STK31: variants seen among roughly 807,000 people sequenced by gnomAD.
The protein encoded by STK31 is serine/threonine kinase 31.
STK31 carries 89 observed loss-of-function variants against 129.7 expected under a neutral mutation model. The ratio of observed to expected loss-of-function variants is 0.69; its 90% CI spans 0.58 to 0.82. The LOEUF (loss-of-function observed/expected upper bound fraction) is 0.82. Among genes scored for constraint, STK31 ranks in the 40% least tolerant of loss-of-function variants. STK31 has a pLI of 0.00. For missense variants in STK31, 1,187 were observed against 1,176.4 expected, an observed-to-expected ratio of 1.01 and a Z score of -0.13; for synonymous variants, 448 against 395.3, an observed-to-expected ratio of 1.13 and a Z score of -1.58.
At chr7:23,824,210 T>A (rs961671676) in intron 23 of STK31, among the ~76,000 whole-genome samples, 1 of 152,228 alleles carries the variant, frequency 6.6e-6, no homozygotes, top group Non-Finnish European at 1.5e-5. Context: ...TTTCTCGATA[T>A]TGATTCTTCC....
rs118034189 is a variant in STK31 at position 23,815,580 on chromosome 7, A to G, written c.2829+368A>G. On this transcript the variant is annotated intron_variant, in intron 23 of 23. Coordinates refer to ENST00000355870, the MANE Select transcript of STK31 (RefSeq NM_031414.5). ...TTCAGCCAACATATTTTGAGTAGCT[A>G]TTTCTGTGATAGGAATTGAACCAGG... Among the ~76,000 whole-genome samples, 578 of 152,260 alleles carry G rather than the reference A, an allele frequency of 3.8e-3. 4 individuals carry two copies. The highest frequency in any genetic ancestry group is 0.02 in the Middle Eastern group (6 of 294).
intron 23 of STK31, among the ~76,000 whole-genome samples, chr7:23,817,227 G>A (rs1175501292): frequency 6.6e-6 from 1 of 152,040 alleles, no homozygotes; most frequent in Non-Finnish European, 1.5e-5. Context: ...CCTGTAATCT[G>A]CAAGTAATCA....
chr7:23,728,996 T>TA, intron 5 of STK31, 95 bp from the exon 6 acceptor site: 1 of 1,078,570 alleles, frequency 9.3e-7, no homozygotes, highest in Non-Finnish European at 1.3e-6. Flanking sequence ...GCTATTTTGA[T>TA]ATACAGGTCA....
chr7:23,795,566 G>A lies in STK31; in HGVS notation c.2760+4620G>A, dbSNP rs186902625. Among the ~76,000 whole-genome samples, 99 of 152,312 alleles carry A rather than the reference G, an allele frequency of 6.5e-4. No homozygotes were observed. In the East Asian group the frequency reaches 0.016, roughly 25 times the overall value. On this transcript the variant is annotated intron_variant, in intron 22 of 23. Transcript: ENST00000355870. ...GTGAGAAGAGGGCCACAGTCCTCCA[G>A]ACCCCAGAATGGTAGATCCACTGAC... is the stretch of plus-strand genomic sequence containing the variant.
intron 16 of STK31, among the ~76,000 whole-genome samples, chr7:23,782,259 G>A (rs1790975006): frequency 6.6e-6 from 1 of 151,916 alleles, no homozygotes; most frequent in South Asian, 2.1e-4. Context: ...GATCACTTGA[G>A]CCCGGGAGTT....
intron 22 of STK31, among the ~76,000 whole-genome samples, chr7:23,797,664 G>T (rs557067917): frequency 6.6e-6 from 1 of 152,318 alleles, no homozygotes; most frequent in South Asian, 2.1e-4. Flanking sequence ...AAGCGGGAAA[G>T]ATCTAAAATC....
intron 4 of STK31, among the ~76,000 whole-genome samples, chr7:23,725,418 C>G (rs1787002478): frequency 6.8e-6 from 1 of 146,984 alleles, no homozygotes; most frequent in Non-Finnish European, 1.5e-5. Context: ...GTATGTGTGC[C>G]TGTAACCCCA....
In STK31 at chr7:23,755,441, G is replaced by A. The variant is rs545396989; in HGVS notation, c.1293+967G>A. On this transcript the variant is annotated intron_variant, in intron 10 of 23. Coordinates refer to ENST00000355870, the MANE Select transcript of STK31 (RefSeq NM_031414.5). Reference sequence around the variant, plus strand: ...TGCAAAAATTTTCTTCTGTTCAGGAGAACAGGTTGCCTGTTCACTGTGATG... The same window carrying A: ...TGCAAAAATTTTCTTCTGTTCAGGAAAACAGGTTGCCTGTTCACTGTGATG... Among the ~76,000 whole-genome samples, 4 of 152,048 alleles carry A rather than the reference G, an allele frequency of 2.6e-5. No homozygotes were observed. The East Asian group carries it at 7.7e-4, about 29-fold the overall frequency.
At chr7:23,783,163 G>T (rs1791038904) in intron 16 of STK31, among the ~76,000 whole-genome samples, 1 of 152,200 alleles carries the variant, frequency 6.6e-6, no homozygotes, top group Admixed American at 6.5e-5. Context: ...TACAGAAACA[G>T]CTATATTGGT....
chr7:23,791,316 G>A (rs1435398829), intron 22 of STK31: 1 of 985,088 alleles, frequency 1.0e-6, no homozygotes, highest in Non-Finnish European at 1.2e-6. Flanking sequence ...CATAGTTTAA[G>A]AATTAAGAAG....
chr7:23,803,013 C>T (rs145931454), intron 22 of STK31, among the ~76,000 whole-genome samples: 2 of 152,216 alleles, frequency 1.3e-5, no homozygotes, highest in African/African-American at 4.8e-5. Flanking sequence ...TTTGGGCTTA[C>T]AGATTCTATA....
intron 15 of STK31, among the ~76,000 whole-genome samples, chr7:23,780,230 C>T (rs533900105): frequency 1.8e-4 from 27 of 152,262 alleles, no homozygotes; most frequent in Middle Eastern, 6.8e-3. Flanking sequence ...AGAAATCACT[C>T]ACCTTGTCTG....
Position 23,736,902 on chromosome 7 carries a change from A to G in STK31, c.843-2A>G, listed in dbSNP as rs984700650. 4 of 1,594,860 alleles carry G rather than the reference A, an allele frequency of 2.5e-6. No individual in the cohort carries two copies. In the African/African-American group the frequency reaches 5.4e-5, roughly 22 times the overall value. ...TCAAAATAAATGAATTTGTTTTTAT[A>G]GGGAAAGTTTGGCTGTTGGTGACTT... On this transcript the variant is annotated splice_acceptor_variant, in intron 7 of 23. Coordinates refer to ENST00000355870, the MANE Select transcript of STK31 (RefSeq NM_031414.5). LOFTEE classifies it high-confidence loss of function.
intron 3 of STK31, among the ~76,000 whole-genome samples, chr7:23,713,884 A>G (rs539450315): frequency 6.6e-6 from 1 of 152,258 alleles, no homozygotes; most frequent in African/African-American, 2.4e-5. Context: ...ATATATATAC[A>G]CACACACCAG....
rs757567571 is a variant in STK31 at position 23,717,553 on chromosome 7, G to C, written c.223G>C (p.Val75Leu). 3 of 1,612,696 alleles carry C rather than the reference G, an allele frequency of 1.9e-6. No individual in the cohort carries two copies. Among genetic ancestry groups the C allele is most frequent in the Non-Finnish European group, 2.5e-6 (3 of 1,179,196 alleles). ...TGAAGTTTGCCCCCAGGCCAGTTCAGTTTTGGGGAATCTTGACCCAAACAA... is the reference window on the plus strand; with the variant it reads ...TGAAGTTTGCCCCCAGGCCAGTTCACTTTTGGGGAATCTTGACCCAAACAA... ...LSEVCPQASS[V>L]LGNLDPNKIY... is the part of the protein sequence containing the mutation. The change falls in exon 4 of 24, where the codon GTT becomes CTT. Residue 75 changes from valine (V) to leucine (L), a missense_variant. By Grantham distance (32) the Val-to-Leu change is conservative. Around this residue, in one of 5 missense-constraint regions of STK31, gnomAD observed 104 missense variants for 98.3 expected, o/e 1.06. Transcript: ENST00000355870.
chr7:23,822,589 ACTTTTT>A (rs924800748), intron 23 of STK31, among the ~76,000 whole-genome samples: 1 of 151,940 alleles, frequency 6.6e-6, no homozygotes, highest in African/African-American at 2.4e-5. Context: ...GGACAGTTTG[ACTTTTT>A]CTTTTTCTTT....
At chr7:23,815,261 T>C (rs752723417) in intron 23 of STK31, 49 bp downstream of exon 23, 18 of 1,222,554 alleles carry the variant, frequency 1.5e-5, no homozygotes, top group Non-Finnish European at 1.9e-5. Flanking sequence ...TGCAGTAATA[T>C]AAACTTAGAT....
At chr7:23,742,085 A>ATGTGTGGGG (rs1402542781) in intron 8 of STK31, among the ~76,000 whole-genome samples, 3 of 152,116 alleles carry the variant, frequency 2.0e-5, no homozygotes, top group Non-Finnish European at 2.9e-5. Flanking sequence ...TTCTATAGAT[A>ATGTGTGGGG]TGTGTGGGGT....
At position 23,754,421 on chromosome 7, in the gene STK31, A is replaced by T. The variant is rs774188342; in HGVS notation, c.1240A>T (p.Ile414Leu). Residue 414 changes from isoleucine to leucine, a missense_variant, in exon 10 of 24, where the codon ATA (isoleucine) becomes TTA (leucine). Ile to Leu is a conservative substitution (Grantham distance 5, BLOSUM62 2). Around this residue, in one of 5 missense-constraint regions of STK31, gnomAD observed 975 missense variants for 934.9 expected, o/e 1.04. Coordinates refer to ENST00000355870, the MANE Select transcript of STK31 (RefSeq NM_031414.5). ...TPASLNGLEI[I>L]WAEYSLAQEN... ...AGCTTCTTTGAATGGATTAGAGATA[A>T]TATGGGCAGAATACAGTCTGGCTCA... The T allele has an allele frequency of 1.0e-4, 165 of 1,613,876 alleles. No homozygotes were observed. The highest frequency in any genetic ancestry group is 1.8e-4 in the Admixed American group (11 of 59,980).
Sources: allele counts gnomAD v4.1 joint callset (sites outside exome capture counted in the v4.1 genomes callset), GRCh38; gene constraint gnomAD v4.1.1; regional missense constraint gnomAD v4.1.1; transcripts MANE v1.5; gene names NCBI Gene and HGNC (gene_info 2026-07-23, HGNC 2026-07-21).